MED13L: variants seen among roughly 807,000 people sequenced by gnomAD.
The protein encoded by MED13L is mediator of RNA polymerase II transcription subunit 13-like.
A neutral mutation model predicts 220.9 loss-of-function variants in MED13L; 7 were observed. The observed-to-expected ratio is 0.03, with a 90% confidence interval of 0.02 to 0.06. The LOEUF is 0.06. MED13L is among the 10% of genes least tolerant of loss of function. MED13L has a pLI of 1.00. For synonymous variants in MED13L, 1,011 were observed against 1,015.2 expected (o/e 1.00, Z 0.08); for missense variants, 1,965 against 2,760.5 (o/e 0.71, Z 6.46).
rs374453747 is a variant in MED13L, at chr12:116,181,780, C to A, written c.310+55688G>T. 1.1e-4 allele frequency among the ~76,000 whole-genome samples: 16 copies of A among 152,294 alleles called. No homozygotes were observed. In the East Asian group the frequency reaches 3.1e-3, roughly 29 times the overall value. ...TCAGCCTCCCAAAGTCCTGGGATTACAGGCGTGAGCCACCACGCCCTGTCA... is the reference window on the plus strand; with the variant it reads ...TCAGCCTCCCAAAGTCCTGGGATTAAAGGCGTGAGCCACCACGCCCTGTCA... On this transcript the variant is annotated intron_variant, in intron 2 of 30. Coordinates refer to ENST00000281928, the MANE Select transcript of MED13L (RefSeq NM_015335.5).
At chr12:116,118,727 T>A (rs1374198085) in intron 2 of MED13L, among the ~76,000 whole-genome samples, 1 of 152,160 alleles carries the variant, frequency 6.6e-6, no homozygotes, top group Non-Finnish European at 1.5e-5. Context: ...ATGCTTGGAA[T>A]CTAATAACAG....
In MED13L at chr12:116,277,520, AGCCGCC is replaced by A. The variant is rs1190300321; in HGVS notation, c.-395_-390del. Among the ~76,000 whole-genome samples the A allele has an allele frequency of 1.4e-5, 2 of 146,176 alleles. No individual in the cohort carries two copies. The highest frequency in any genetic ancestry group is 3.0e-5 in the Non-Finnish European group (2 of 66,084). ...CCCGGAGCCGCCGCCGCCGCCTCGG[AGCCGCC>A]GCCGCCGCGGAGCGCGAACTCGCGA... On this transcript the variant is annotated 5_prime_UTR_variant, in exon 1 of 31. Coordinates refer to ENST00000281928, the MANE Select transcript of MED13L (RefSeq NM_015335.5).
Position 116,133,063 on chromosome 12 carries a change from T to C in MED13L, c.311-21551A>G, listed in dbSNP as rs377034670. The stretch of plus-strand genomic sequence containing the variant: ...TAATAATATTTGAAAACTATAAGTT[T>C]GATTTACTACTGATAACACCAGGCA... On this transcript the variant is annotated intron_variant, in intron 2 of 30. Transcript: ENST00000281928. Among the ~76,000 whole-genome samples, 55 of 152,316 alleles carry C rather than the reference T, an allele frequency of 3.6e-4. 1 individual carries two copies. The East Asian group carries it at 9.6e-3, about 27-fold the overall frequency.
At chr12:115,974,862 A>C (rs1250415157) in intron 25 of MED13L, among the ~76,000 whole-genome samples, 4 of 152,184 alleles carry the variant, frequency 2.6e-5, no homozygotes, top group Admixed American at 1.3e-4. Flanking sequence ...CTTAAAACTG[A>C]CTAGTTCTTC....
At chr12:115,978,866 GATTT>G (rs1877136729) in intron 23 of MED13L, among the ~76,000 whole-genome samples, 1 of 152,146 alleles carries the variant, frequency 6.6e-6, no homozygotes, top group Non-Finnish European at 1.5e-5. Flanking sequence ...ACAGCAATTG[GATTT>G]ATTTGAAAAC....
chr12:115,987,312 A>G (rs1877757945), intron 17 of MED13L, 24 bp from the exon 18 acceptor site: 1 of 1,605,518 alleles, frequency 6.2e-7, no homozygotes, highest in African/African-American at 1.3e-5. Flanking sequence ...GAGAAGAAAC[A>G]GAGAAGATAA....
intron 3 of MED13L, among the ~76,000 whole-genome samples, chr12:116,110,745 A>G (rs1246811137): frequency 6.6e-6 from 1 of 152,192 alleles, no homozygotes; most frequent in Admixed American, 6.5e-5. Context: ...GACACTGACG[A>G]TATGAGCCTA....
intron 2 of MED13L, among the ~76,000 whole-genome samples, chr12:116,166,719 C>T (rs1170466034): frequency 1.3e-5 from 2 of 152,164 alleles, no homozygotes; most frequent in African/African-American, 2.4e-5. Flanking sequence ...TTAATACCTG[C>T]CTCCTACCCT....
intron 3 of MED13L, among the ~76,000 whole-genome samples, chr12:116,098,017 G>A (rs1032511172): frequency 6.6e-6 from 1 of 152,182 alleles, no homozygotes; most frequent in Non-Finnish European, 1.5e-5. Flanking sequence ...AGCCGAGGCG[G>A]GCAGATCACC....
intron 7 of MED13L, among the ~76,000 whole-genome samples, chr12:116,018,958 T>C (rs1486903381): frequency 6.7e-6 from 1 of 149,734 alleles, no homozygotes; most frequent in Non-Finnish European, 1.5e-5. Context: ...CATACACACA[T>C]ACAGGGGCAG....
Position 116,257,187 on chromosome 12 carries a change from T to C in MED13L, c.73-19482A>G, listed in dbSNP as rs1386133295. Among the ~76,000 whole-genome samples the C allele has an allele frequency of 2.0e-5, 3 of 152,234 alleles. No homozygotes were observed. In the East Asian group the frequency reaches 5.8e-4, roughly 29 times the overall value. On this transcript the variant is annotated intron_variant, in intron 1 of 30. Coordinates refer to ENST00000281928, the MANE Select transcript of MED13L (RefSeq NM_015335.5). ...AATTGAACTATTTAATGAAGTTCATTAGTGATATTAAGATGGTTTGCTTCT... is the reference window on the plus strand; with the variant it reads ...AATTGAACTATTTAATGAAGTTCATCAGTGATATTAAGATGGTTTGCTTCT...
At chr12:116,074,721 T>G (rs1004396576) in intron 4 of MED13L, among the ~76,000 whole-genome samples, 1 of 152,220 alleles carries the variant, frequency 6.6e-6, no homozygotes, top group African/African-American at 2.4e-5. Context: ...TCAAATTGAT[T>G]GGACACACCT....
chr12:115,966,258 T>C lies in MED13L; in HGVS notation c.6226-15A>G. 1 of 1,613,752 alleles carries C rather than the reference T, an allele frequency of 6.2e-7. No homozygotes were observed. The highest frequency in any genetic ancestry group is 8.5e-7 in the Non-Finnish European group (1 of 1,179,906). On this transcript the variant is annotated splice_polypyrimidine_tract_variant and intron_variant, in intron 28 of 30. Transcript: ENST00000281928. ...TCACCCTGGCTCTGAAAAACAAAAA[T>C]CCCAAAAACATGATCAGCATTTATC...
chr12:116,226,730 G>A (rs1227842472), intron 2 of MED13L, among the ~76,000 whole-genome samples: 1 of 152,112 alleles, frequency 6.6e-6, no homozygotes, highest in Non-Finnish European at 1.5e-5. Flanking sequence ...CTAGCCAGGT[G>A]TGGTGGCACA....
intron 17 of MED13L, among the ~76,000 whole-genome samples, chr12:115,990,036 A>G (rs1161522157): frequency 6.6e-6 from 1 of 152,182 alleles, no homozygotes; most frequent in East Asian, 1.9e-4. Flanking sequence ...AACCCCTAGC[A>G]TGCCTCTAAA....
intron 4 of MED13L, among the ~76,000 whole-genome samples, chr12:116,043,433 G>A (rs1881652539): frequency 1.3e-5 from 2 of 152,124 alleles, no homozygotes; most frequent in South Asian, 2.1e-4. Flanking sequence ...TCTACATGCT[G>A]CCTCCCATTT....
intron 16 of MED13L, among the ~76,000 whole-genome samples, chr12:115,993,536 T>C (rs1320223894): frequency 6.6e-6 from 1 of 151,996 alleles, no homozygotes; most frequent in Non-Finnish European, 1.5e-5. Context: ...GGCACAGTGG[T>C]ATCTTTGAGT....
rs578005046 is a variant in MED13L at position 116,005,086 on chromosome 12, T to C, written c.2469+783A>G. Among the ~76,000 whole-genome samples, 12 of 152,310 alleles carry C rather than the reference T, an allele frequency of 7.9e-5. No individual in the cohort carries two copies. The South Asian group carries it at 2.3e-3, about 29-fold the overall frequency. On this transcript the variant is annotated intron_variant, in intron 13 of 30. Coordinates refer to ENST00000281928, the MANE Select transcript of MED13L (RefSeq NM_015335.5). ...TAGCCTTAGTACCACCACAAAGGAA[T>C]TAACCTTCAAACAATTAACAAATGT...
At chr12:116,186,319 G>A (rs1880900871) in intron 2 of MED13L, among the ~76,000 whole-genome samples, 1 of 152,160 alleles carries the variant, frequency 6.6e-6, no homozygotes, top group African/African-American at 2.4e-5. Context: ...TCAACTGATT[G>A]AACGTAAAGT....
Sources: gnomAD v4.1 joint callset for allele counts (sites outside exome capture counted in the v4.1 genomes callset) on GRCh38, gnomAD v4.1.1 for gene constraint, MANE v1.5 for transcripts, NCBI Gene and HGNC (gene_info 2026-07-23, HGNC 2026-07-21) for gene names.